The following WDR64 variants were observed in gnomAD, a reference collection of about 807,000 sequenced individuals.
The protein encoded by WDR64 is WD repeat domain 64, also known as WD repeat-containing protein 64.
In WDR64, 112 loss-of-function variants were observed where a neutral mutation model predicts 139.3. That is an observed-to-expected ratio of 0.80 (90% CI 0.69 to 0.94). The LOEUF (loss-of-function observed/expected upper bound fraction) is 0.94, where lower values mean the gene tolerates loss of function less well. WDR64 is among the 40% of genes least tolerant of loss of function. The pLI is 0.00. For missense variants in WDR64, 1,206 were observed against 1,293.1 expected (o/e 0.93, Z 1.03); for synonymous variants, 444 against 437.7 (o/e 1.01, Z -0.18).
intron 13 of WDR64, among the ~76,000 whole-genome samples, chr1:241,748,512 A>G (rs534303279): frequency 2.6e-5 from 4 of 152,136 alleles, no homozygotes; most frequent in Non-Finnish European, 5.9e-5. Flanking sequence ...GAGCCACAGC[A>G]GATCTCAATT....
chr1:241,740,627 G>A (rs954668477), intron 11 of WDR64, among the ~76,000 whole-genome samples: 2 of 151,262 alleles, frequency 1.3e-5, no homozygotes, highest in African/African-American at 4.8e-5. Context: ...AGTTTTGCTT[G>A]AGCCACAGGA....
chr1:241,797,005 A>G (rs1264819696), intron 27 of WDR64, among the ~76,000 whole-genome samples: 1 of 152,208 alleles, frequency 6.6e-6, no homozygotes, highest in African/African-American at 2.4e-5. Flanking sequence ...CTGTATAACC[A>G]TCCTTGTGTC....
chr1:241,766,383 A>G, intron 16 of WDR64, 32 bp downstream of exon 16: 1 of 1,605,422 alleles, frequency 6.2e-7, no homozygotes, highest in South Asian at 1.1e-5. Context: ...AACAATGTAA[A>G]AGCTTTACTG....
rs1408161804 is a variant in WDR64 at position 241,683,668 on chromosome 1, A to G, written c.806A>G (p.Gln269Arg). 2.6e-6 allele frequency: 4 copies of G among 1,551,476 alleles called. No homozygotes were observed. Among genetic ancestry groups the G allele is most frequent in the East Asian group, 2.4e-5 (1 of 40,922 alleles). The change falls in exon 7 of 28, where the codon CAA becomes CGA. Residue 269 changes from glutamine to arginine, a missense_variant. By Grantham distance (43) the Gln-to-Arg change is conservative. Coordinates refer to ENST00000437684, the MANE Select transcript of WDR64 (RefSeq NM_001367482.1). ...CAGGCAAAATCCAAAAGAAAATTAC[A>G]AAATCAGGTCTTAGACTCAAAGAAC... ...IKQAKSKRKL[Q>R]NQVLDSKNFK...
chr1:241,757,661 T>G lies in WDR64; in HGVS notation c.1947+202T>G, dbSNP rs999363970. 1.3e-3 allele frequency among the ~76,000 whole-genome samples: 194 copies of G among 146,860 alleles called. 4 individuals are homozygous for G. The highest frequency in any genetic ancestry group is 2.0e-3 in the Non-Finnish European group (132 of 66,658). On this transcript the variant is annotated intron_variant, in intron 15 of 27. Transcript: ENST00000437684. ...CACCAATGGATTTGTTTTTTTTTTT[T>G]TTTTTTTTTTGAGACAGGGTTCTGC...
At chr1:241,749,425 G>T (rs1265237641) in intron 13 of WDR64, 122 bp from the exon 14 acceptor site, 1 of 1,146,562 alleles carries the variant, frequency 8.7e-7, no homozygotes, top group Non-Finnish European at 1.2e-6. Flanking sequence ...ATCTGAGTAG[G>T]GAATAAATAT....
chr1:241,688,451 T>C (rs1325983974), intron 8 of WDR64, among the ~76,000 whole-genome samples: 4 of 152,230 alleles, frequency 2.6e-5, no homozygotes, highest in Non-Finnish European at 4.4e-5. Flanking sequence ...TGATACCTAT[T>C]GGGGTATTAC....
intron 9 of WDR64, among the ~76,000 whole-genome samples, chr1:241,718,633 C>A (rs563591623): frequency 6.6e-6 from 1 of 152,120 alleles, no homozygotes; most frequent in Non-Finnish European, 1.5e-5. Flanking sequence ...TTAACCACAA[C>A]CCCTCCAATA....
At chr1:241,741,189 G>C (rs1321258811) in intron 11 of WDR64, among the ~76,000 whole-genome samples, 1 of 152,124 alleles carries the variant, frequency 6.6e-6, no homozygotes, top group African/African-American at 2.4e-5. Context: ...GCATGCTGCA[G>C]GCACAATAAA....
chr1:241,674,332 C>G (rs189014741), intron 3 of WDR64, among the ~76,000 whole-genome samples: 1 of 142,972 alleles, frequency 7.0e-6, no homozygotes, highest in Admixed American at 7.4e-5. Flanking sequence ...AATCACAACT[C>G]ACTGCACCTC....
chr1:241,733,354 AATACC>A (rs1669167634), intron 10 of WDR64, among the ~76,000 whole-genome samples: 1 of 152,094 alleles, frequency 6.6e-6, no homozygotes, highest in African/African-American at 2.4e-5. Context: ...AGGTGCCTGT[AATACC>A]AGCTACTCGG....
intron 8 of WDR64, among the ~76,000 whole-genome samples, chr1:241,697,033 C>G (rs1667520064): frequency 6.6e-6 from 1 of 152,140 alleles, no homozygotes; most frequent in African/African-American, 2.4e-5. Context: ...ACCTAGACCC[C>G]AGGTTATTCA....
intron 27 of WDR64, among the ~76,000 whole-genome samples, chr1:241,798,876 A>C (rs12403487): frequency 0.13 from 19,807 of 152,106 alleles, 1,387 homozygotes; most frequent in Admixed American, 0.17. Flanking sequence ...TAAAATATTA[A>C]CCATGGTACA....
At chr1:241,674,460 G>T (rs1666384503) in intron 3 of WDR64, among the ~76,000 whole-genome samples, 184 bp from the exon 4 acceptor site, 1 of 151,714 alleles carries the variant, frequency 6.6e-6, no homozygotes, top group African/African-American at 2.4e-5. Context: ...TTGTCATGCT[G>T]CCCAGGCTGG....
At chr1:241,724,188 G>A (rs940847567) in intron 10 of WDR64, among the ~76,000 whole-genome samples, 1 of 152,046 alleles carries the variant, frequency 6.6e-6, no homozygotes, top group South Asian at 2.1e-4. Flanking sequence ...TGGAAATATT[G>A]TGCTGTAAGA....
At chr1:241,696,666 G>A (rs995451827) in intron 8 of WDR64, among the ~76,000 whole-genome samples, 1 of 152,078 alleles carries the variant, frequency 6.6e-6, no homozygotes, top group Non-Finnish European at 1.5e-5. Flanking sequence ...TCATGGCACT[G>A]GTGGGAGTGT....
chr1:241,699,081 C>T (rs183327320), intron 8 of WDR64, among the ~76,000 whole-genome samples: 6 of 152,226 alleles, frequency 3.9e-5, no homozygotes, highest in Admixed American at 1.3e-4. Context: ...GTAACTGCCC[C>T]CATGATTCAA....
At position 241,714,473 on chromosome 1, in the gene WDR64, G is replaced by A. The variant is rs141313181; in HGVS notation, c.1054+2592G>A. 7.1e-4 allele frequency among the ~76,000 whole-genome samples: 108 copies of A among 152,162 alleles called. 2 individuals carry two copies. The highest frequency in any genetic ancestry group is 2.4e-3 in the African/African-American group (100 of 41,508). ...TCACTCTCAAACATACACAGCAGGC[G>A]GTTTGGTTTCCTATCTAAAGTGTCC... On this transcript the variant is annotated intron_variant, in intron 9 of 27. Transcript: ENST00000437684.
chr1:241,772,767 G>A (rs748669808), intron 19 of WDR64, 25 bp from the exon 20 acceptor site: 10 of 1,550,648 alleles, frequency 6.4e-6, no homozygotes, highest in South Asian at 3.6e-5. Context: ...CTGGCCTCAT[G>A]ATAGTTCATT....
Sources: gnomAD v4.1 joint callset for allele counts (sites outside exome capture counted in the v4.1 genomes callset) on GRCh38, gnomAD v4.1.1 for gene constraint, MANE v1.5 for transcripts, NCBI Gene and HGNC (gene_info 2026-07-23, HGNC 2026-07-21) for gene names.